LOC128706665: variants seen among roughly 807,000 people sequenced by gnomAD.
chr20:10,424,058 A>G, the LOC128706665 span, among the ~76,000 whole-genome samples: 1 of 152,204 alleles, frequency 6.6e-6, no homozygotes. Flanking sequence ...TTGGGAAATG[A>G]TTAGGATCAG....
At chr20:10,429,792 AGTTCTCAAACTGTGGTCCTCTCAACAGT>A in the LOC128706665 span, among the ~76,000 whole-genome samples, 1 of 152,170 alleles carries the variant, frequency 6.6e-6, no homozygotes, top group Non-Finnish European at 1.5e-5. Flanking sequence ...CAATTCCAGT[AGTTCTCAAACTGTGGTCCTCTCAACAGT>A]GCCATTAGCA....
chr20:10,430,756 C>G, the LOC128706665 span, among the ~76,000 whole-genome samples: 18 of 152,130 alleles, frequency 1.2e-4, no homozygotes, highest in African/African-American at 4.3e-4. Flanking sequence ...TGAAGGAAGT[C>G]AGAAAACTGA....
At chr20:10,430,978 T>G in the LOC128706665 span, among the ~76,000 whole-genome samples, 2 of 152,162 alleles carry the variant, frequency 1.3e-5, no homozygotes, top group African/African-American at 4.8e-5. Flanking sequence ...CCACCACAAA[T>G]TAGTTATGGT....
At chr20:10,432,894 C>T in the LOC128706665 span, among the ~76,000 whole-genome samples, 2 of 150,540 alleles carry the variant, frequency 1.3e-5, no homozygotes, top group African/African-American at 4.9e-5. Flanking sequence ...ATACCTAATA[C>T]AACGTTAAAT....
chr20:10,428,458 T>TA, the LOC128706665 span, among the ~76,000 whole-genome samples: 1 of 152,222 alleles, frequency 6.6e-6, no homozygotes, highest in African/African-American at 2.4e-5. Context: ...TTTCTGCAGA[T>TA]AACCTATTGG....
At chr20:10,416,829 T>C in the LOC128706665 span, among the ~76,000 whole-genome samples, 2 of 152,212 alleles carry the variant, frequency 1.3e-5, no homozygotes, top group African/African-American at 4.8e-5. Flanking sequence ...CTGCCTGTTT[T>C]TGTAAATGAA....
chr20:10,419,413 G>A, the LOC128706665 span, among the ~76,000 whole-genome samples: 4 of 151,994 alleles, frequency 2.6e-5, no homozygotes, highest in South Asian at 6.3e-4. Flanking sequence ...TAAATCAAAC[G>A]TGACAAATGC....
At chr20:10,428,792 C>T in the LOC128706665 span, among the ~76,000 whole-genome samples, 9 of 152,076 alleles carry the variant, frequency 5.9e-5, no homozygotes, top group Non-Finnish European at 1.2e-4. Flanking sequence ...TACAGTGAGT[C>T]GAGATCGCGC....
chr20:10,427,087 G>A, the LOC128706665 span, among the ~76,000 whole-genome samples: 3 of 106,374 alleles, frequency 2.8e-5, no homozygotes, highest in Admixed American at 2.7e-4. Flanking sequence ...CACAAAGTAA[G>A]GTTAAGGGCA....
the LOC128706665 span, among the ~76,000 whole-genome samples, chr20:10,419,943 T>A: frequency 6.6e-6 from 1 of 152,224 alleles, no homozygotes; most frequent in Non-Finnish European, 1.5e-5. Flanking sequence ...GGGAGACAAC[T>A]GCACTGCAAA....
chr20:10,417,742 G>A, the LOC128706665 span, among the ~76,000 whole-genome samples: 1 of 151,860 alleles, frequency 6.6e-6, no homozygotes, highest in African/African-American at 2.4e-5. Context: ...GATTACCTAG[G>A]ATCTATTCCA....
At chr20:10,433,963 T>G in the LOC128706665 span, 1 of 152,188 alleles carries the variant, frequency 6.6e-6, no homozygotes, top group Non-Finnish European at 1.5e-5. Context: ...AGAGCCAGCC[T>G]CCTCCTTGTC....
the LOC128706665 span, among the ~76,000 whole-genome samples, chr20:10,428,157 C>G: frequency 1.3e-5 from 2 of 152,208 alleles, no homozygotes; most frequent in Non-Finnish European, 2.9e-5. Flanking sequence ...AACTAGCTTA[C>G]CAGCAAGCTG....
the LOC128706665 span, among the ~76,000 whole-genome samples, chr20:10,422,536 A>T: frequency 1.3e-3 from 197 of 152,220 alleles, no homozygotes; most frequent in Admixed American, 2.4e-3. Context: ...TACTTATAGG[A>T]GGGACAGAGG....
the LOC128706665 span, chr20:10,420,530 G>A: frequency 6.6e-6 from 1 of 152,212 alleles, no homozygotes. Flanking sequence ...GAACTTACCT[G>A]AAGATTGCAA....
chr20:10,433,950 C>A, the LOC128706665 span, among the ~76,000 whole-genome samples: 1 of 152,220 alleles, frequency 6.6e-6, no homozygotes, highest in Non-Finnish European at 1.5e-5. Context: ...TCGCCTCCTA[C>A]AGAGAGCCAG....
chr20:10,423,660 T>C, the LOC128706665 span, among the ~76,000 whole-genome samples: 1 of 152,192 alleles, frequency 6.6e-6, no homozygotes, highest in Non-Finnish European at 1.5e-5. Context: ...CTATAATACT[T>C]AGTGAATCTT....
At chr20:10,425,858 G>T in the LOC128706665 span, among the ~76,000 whole-genome samples, 2 of 151,880 alleles carry the variant, frequency 1.3e-5, no homozygotes, top group Non-Finnish European at 2.9e-5. Flanking sequence ...TTTCTTTCCT[G>T]AATCTTCTTT....
the LOC128706665 span, among the ~76,000 whole-genome samples, chr20:10,431,153 G>A: frequency 2.0e-5 from 3 of 152,010 alleles, no homozygotes; most frequent in Non-Finnish European, 2.9e-5. Context: ...TATCTTATAC[G>A]AATCATATAT....
Sources: allele counts gnomAD v4.1 joint callset (sites outside exome capture counted in the v4.1 genomes callset), GRCh38; gene constraint gnomAD v4.1.1; transcripts MANE v1.5.